The following ARHGAP10 variants were observed in gnomAD, a reference collection of about 807,000 sequenced individuals.
ARHGAP10 encodes rho GTPase-activating protein 10.
Under a neutral mutation model 108.6 loss-of-function variants are expected in ARHGAP10, and 87 were observed. The ratio of observed to expected loss-of-function variants is 0.80; its 90% CI spans 0.67 to 0.96. The LOEUF (loss-of-function observed/expected upper bound fraction) is 0.96. ARHGAP10 is among the 40% of genes least tolerant of loss of function. ARHGAP10 has a pLI of 0.00. For missense variants in ARHGAP10, 939 were observed against 954.5 expected (o/e 0.98, Z 0.21); for synonymous variants, 347 against 341.1 (o/e 1.02, Z -0.19).
At chr4:148,069,089 G>T (rs966117416) in intron 22 of ARHGAP10, among the ~76,000 whole-genome samples, 2 of 152,162 alleles carry the variant, frequency 1.3e-5, no homozygotes, top group African/African-American at 4.8e-5. Flanking sequence ...ACACTGCTTG[G>T]GGGAGGAGTG....
intron 4 of ARHGAP10, among the ~76,000 whole-genome samples, chr4:147,847,878 T>G (rs1455016311): frequency 6.6e-6 from 1 of 152,214 alleles, no homozygotes; most frequent in Non-Finnish European, 1.5e-5. Flanking sequence ...TTATTTAAAA[T>G]GTGCAATCTG....
chr4:147,921,655 T>C (rs1195095075), intron 13 of ARHGAP10, among the ~76,000 whole-genome samples: 2 of 152,170 alleles, frequency 1.3e-5, no homozygotes, highest in Non-Finnish European at 2.9e-5. Context: ...TTTCATTGTG[T>C]CAGAAGCCAA....
At chr4:147,933,598 C>T (rs1420100013) in intron 13 of ARHGAP10, among the ~76,000 whole-genome samples, 1 of 152,232 alleles carries the variant, frequency 6.6e-6, no homozygotes, top group African/African-American at 2.4e-5. Flanking sequence ...CCACGAGTCT[C>T]TTCAGGACTC....
chr4:147,953,020 A>G (rs1202255628), intron 15 of ARHGAP10, among the ~76,000 whole-genome samples: 1 of 151,918 alleles, frequency 6.6e-6, no homozygotes, highest in Admixed American at 6.6e-5. Flanking sequence ...TTTCTCCTAA[A>G]TTGTCTATTG....
chr4:147,840,922 T>C (rs1733387684), intron 3 of ARHGAP10, among the ~76,000 whole-genome samples: 1 of 152,234 alleles, frequency 6.6e-6, no homozygotes, highest in South Asian at 2.1e-4. Flanking sequence ...AGCATTGTTT[T>C]GCCATGATAC....
At chr4:147,956,381 G>C (rs1305622122) in intron 16 of ARHGAP10, among the ~76,000 whole-genome samples, 1 of 152,130 alleles carries the variant, frequency 6.6e-6, no homozygotes, top group East Asian at 1.9e-4. Context: ...TGTGTTGCAG[G>C]AAGGAGGAGT....
At position 147,909,640 on chromosome 4, in the gene ARHGAP10, G is replaced by A. The variant is rs1367895929; in HGVS notation, c.1117-92G>A. The A allele has an allele frequency of 3.7e-6, 4 of 1,082,484 alleles. No homozygotes were observed. The African/African-American group carries it at 4.8e-5, about 13-fold the overall frequency. The allele number at this position is 1,082,484 out of a possible 1,614,324, so 67.1% of individuals were successfully genotyped here. A position where few individuals can be genotyped will look rare whatever the true frequency, so the allele number is the denominator to read the frequency against. ...TAACCAGAATCAAGCTTATAAAAATGTATTTTTTTTTGTATGGTCCTCAGT... is the reference window on the plus strand; with the variant it reads ...TAACCAGAATCAAGCTTATAAAAATATATTTTTTTTTGTATGGTCCTCAGT... On this transcript the variant is annotated intron_variant, in intron 11 of 22. Transcript: ENST00000336498.
intron 1 of ARHGAP10, among the ~76,000 whole-genome samples, chr4:147,781,650 C>T (rs1232489778): frequency 1.3e-5 from 2 of 150,622 alleles, no homozygotes; most frequent in Non-Finnish European, 2.9e-5. Flanking sequence ...TCTAAATGTA[C>T]CAGTTTTCTT....
chr4:147,907,047 C>T (rs1736525754), intron 11 of ARHGAP10, among the ~76,000 whole-genome samples: 1 of 152,066 alleles, frequency 6.6e-6, no homozygotes, highest in African/African-American at 2.4e-5. Context: ...GCCTGCAATG[C>T]ATTTTGATCT....
At chr4:147,982,544 ATC>A (rs375970955) in intron 18 of ARHGAP10, among the ~76,000 whole-genome samples, 1 of 105,398 alleles carries the variant, frequency 9.5e-6, no homozygotes, top group Non-Finnish European at 1.7e-5. Context: ...ACCCAGCTAA[ATC>A]TTTTTTTTTT....
At chr4:147,759,051 G>C (rs1007415421) in intron 1 of ARHGAP10, among the ~76,000 whole-genome samples, 1 of 151,494 alleles carries the variant, frequency 6.6e-6, no homozygotes, top group Non-Finnish European at 1.5e-5. Context: ...TTCAATGCAA[G>C]GTTCATGGAG....
chr4:147,803,678 G>A (rs955935408), intron 1 of ARHGAP10, among the ~76,000 whole-genome samples: 18 of 152,278 alleles, frequency 1.2e-4, no homozygotes, highest in African/African-American at 4.3e-4. Flanking sequence ...GTGAGAACAT[G>A]TGATACTTGT....
chr4:147,808,753 C>G (rs1377812127), intron 1 of ARHGAP10, among the ~76,000 whole-genome samples: 1 of 152,146 alleles, frequency 6.6e-6, no homozygotes, highest in Non-Finnish European at 1.5e-5. Context: ...TTGGAGCATT[C>G]TCAACTCTGG....
chr4:148,011,403 AG>A (rs771093179), intron 18 of ARHGAP10, among the ~76,000 whole-genome samples: 5 of 152,176 alleles, frequency 3.3e-5, no homozygotes, highest in Non-Finnish European at 7.3e-5. Flanking sequence ...TCTGGTGCCT[AG>A]GCTGGGCTGA....
chr4:148,024,407 C>G (rs979447623), intron 19 of ARHGAP10, among the ~76,000 whole-genome samples: 1 of 152,056 alleles, frequency 6.6e-6, no homozygotes, highest in African/African-American at 2.4e-5. Flanking sequence ...TGACAGATAC[C>G]ATGCCTTCAT....
At chr4:147,789,287 C>T (rs1183546509) in intron 1 of ARHGAP10, among the ~76,000 whole-genome samples, 1 of 152,112 alleles carries the variant, frequency 6.6e-6, no homozygotes, top group East Asian at 1.9e-4. Context: ...GTTGTGTTTT[C>T]CACATATTTT....
intron 1 of ARHGAP10, among the ~76,000 whole-genome samples, chr4:147,759,352 T>C (rs1003259836): frequency 2.6e-5 from 4 of 152,204 alleles, no homozygotes; most frequent in African/African-American, 7.2e-5. Context: ...TTGTTGTCTA[T>C]GAATACAAAT....
At chr4:147,921,263 A>G (rs1490578529) in intron 13 of ARHGAP10, among the ~76,000 whole-genome samples, 1 of 152,222 alleles carries the variant, frequency 6.6e-6, no homozygotes, top group Non-Finnish European at 1.5e-5. Context: ...TGGGTAATGA[A>G]GGATGTCAAG....
At chr4:147,934,240 G>T (rs1229047106) in intron 13 of ARHGAP10, among the ~76,000 whole-genome samples, 3 of 152,324 alleles carry the variant, frequency 2.0e-5, no homozygotes, top group South Asian at 4.1e-4. Flanking sequence ...GTCCCTTGGA[G>T]GACTGGACCA....
Sources: gnomAD v4.1 joint callset for allele counts (sites outside exome capture counted in the v4.1 genomes callset) on GRCh38, gnomAD v4.1.1 for gene constraint, MANE v1.5 for transcripts, NCBI Gene and HGNC (gene_info 2026-07-23, HGNC 2026-07-21) for gene names.